The following RSPH14 variants were observed in gnomAD, a reference collection of about 807,000 sequenced individuals.
RSPH14 encodes the protein radial spoke head 14 homolog.
A neutral mutation model predicts 26.7 loss-of-function variants in RSPH14; 20 were observed. The ratio of observed to expected loss-of-function variants is 0.75; its 90% confidence interval spans 0.53 to 1.09. The LOEUF (loss-of-function observed/expected upper bound fraction) is 1.09, where lower values mean the gene tolerates loss of function less well. Among genes scored for constraint, RSPH14 ranks in the 50% least tolerant of loss-of-function variants. The pLI is 0.00. For synonymous variants in RSPH14, 177 were observed against 189.3 expected (o/e 0.93, Z 0.53); for missense variants, 449 against 457.2 (o/e 0.98, Z 0.16).
chr22:23,123,871 G>A (rs556659689), intron 4 of RSPH14: 5 of 222,150 alleles, frequency 2.3e-5, no homozygotes, highest in South Asian at 2.2e-4. Context: ...CTCGCTGCCC[G>A]AGCTCTGGCC....
intron 3 of RSPH14, among the ~76,000 whole-genome samples, chr22:23,138,609 GAACT>G (rs1347316609): frequency 2.0e-5 from 3 of 151,912 alleles, no homozygotes; most frequent in Non-Finnish European, 4.4e-5. Flanking sequence ...TCAGAGCTTG[GAACT>G]AACATAAAAT....
chr22:23,059,875 T>C (rs1392599115), intron 6 of RSPH14, among the ~76,000 whole-genome samples, 157 bp from the exon 7 acceptor site: 1 of 152,244 alleles, frequency 6.6e-6, no homozygotes, highest in African/African-American at 2.4e-5. Context: ...TCAGGGCTCT[T>C]GCACCTTCGC....
chr22:23,068,878 C>G (rs1601734083), intron 4 of RSPH14, among the ~76,000 whole-genome samples: 1 of 152,310 alleles, frequency 6.6e-6, no homozygotes, highest in East Asian at 1.9e-4. Flanking sequence ...CCTGACACAG[C>G]CTGGTGGTGT....
At chr22:23,111,535 G>C (rs2146363714) in intron 4 of RSPH14, among the ~76,000 whole-genome samples, 1 of 152,362 alleles carries the variant, frequency 6.6e-6, no homozygotes, top group East Asian at 1.9e-4. Context: ...GCCATTGCCA[G>C]CTGCACCAGA....
At chr22:23,136,891 G>A (rs1165343008) in intron 3 of RSPH14, among the ~76,000 whole-genome samples, 1 of 138,604 alleles carries the variant, frequency 7.2e-6, no homozygotes, top group Non-Finnish European at 1.6e-5. Flanking sequence ...TCTGCAGAGT[G>A]AGGCTGGGAT....
chr22:23,072,207 G>A (rs905348318), intron 4 of RSPH14, among the ~76,000 whole-genome samples: 1 of 152,152 alleles, frequency 6.6e-6, no homozygotes, highest in African/African-American at 2.4e-5. Context: ...TGCCTGTTTC[G>A]GGGATGATGC....
chr22:23,171,842 C>CAAAAAAAAAAAAAAAAA, the RSPH14 span, among the ~76,000 whole-genome samples: 1 of 30,794 alleles, frequency 3.2e-5, no homozygotes, highest in Non-Finnish European at 5.7e-5. Flanking sequence ...AACTCTGTCT[C>CAAAAAAAAAAAAAAAAA]AAAAAAAAAA....
the RSPH14 span, among the ~76,000 whole-genome samples, chr22:23,155,567 G>T: frequency 2.6e-5 from 4 of 152,226 alleles, no homozygotes; most frequent in Non-Finnish European, 5.9e-5. Flanking sequence ...CAGAGCCACT[G>T]CTGGAGGCCC....
At chr22:23,156,353 A>AG in the RSPH14 span, 1 of 262,740 alleles carries the variant, frequency 3.8e-6, no homozygotes, top group Non-Finnish European at 7.5e-6. Flanking sequence ...ACTGGACTCC[A>AG]GGGGGAGGTC....
upstream of RSPH14, among the ~76,000 whole-genome samples, chr22:23,144,120 A>AC (rs2070664001): frequency 2.1e-5 from 3 of 145,806 alleles, no homozygotes; most frequent in Non-Finnish European, 4.5e-5. Flanking sequence ...AAAAAAAAAA[A>AC]CAGCTAAAGG....
chr22:23,130,139 G>GA (rs927268058), intron 4 of RSPH14, among the ~76,000 whole-genome samples: 4 of 110,730 alleles, frequency 3.6e-5, no homozygotes, highest in Non-Finnish European at 7.7e-5. Context: ...AAGAAAGAAA[G>GA]AAAGAAAGAA....
chr22:23,090,116 C>CA (rs1228285872), intron 4 of RSPH14, among the ~76,000 whole-genome samples: 2 of 152,134 alleles, frequency 1.3e-5, no homozygotes, highest in African/African-American at 4.8e-5. Context: ...TTCACTGATA[C>CA]AGTCCACTCA....
chr22:23,100,587 T>G (rs1389656620), intron 4 of RSPH14, among the ~76,000 whole-genome samples: 2 of 152,224 alleles, frequency 1.3e-5, no homozygotes, highest in East Asian at 3.8e-4. Flanking sequence ...GGCCATTGGC[T>G]TCCTGAGGAA....
At chr22:23,068,683 C>G (rs1322281344) in intron 4 of RSPH14, among the ~76,000 whole-genome samples, 1 of 152,252 alleles carries the variant, frequency 6.6e-6, no homozygotes, top group Non-Finnish European at 1.5e-5. Context: ...CCCCCAGACT[C>G]TGCAGTGGAA....
At chr22:23,162,536 A>G in the RSPH14 span, 1 of 429,522 alleles carries the variant, frequency 2.3e-6, no homozygotes, top group African/African-American at 2.0e-5. Context: ...TGCCAAGTCT[A>G]GCATGTTCCT....
chr22:23,092,611 C>T (rs1040421060), intron 4 of RSPH14, among the ~76,000 whole-genome samples: 6 of 152,214 alleles, frequency 3.9e-5, no homozygotes, highest in African/African-American at 1.4e-4. Context: ...ATTGCCCTGT[C>T]GTTGCCGGCG....
intron 4 of RSPH14, chr22:23,131,759 C>T: frequency 3.4e-6 from 2 of 596,714 alleles, no homozygotes; most frequent in Admixed American, 2.3e-5. Context: ...CAGGGGCTCT[C>T]AACCCTGGGG....
At chr22:23,126,916 G>A (rs916629989) in intron 4 of RSPH14, among the ~76,000 whole-genome samples, 2 of 152,256 alleles carry the variant, frequency 1.3e-5, no homozygotes, top group Non-Finnish European at 2.9e-5. Flanking sequence ...AACAACAGTG[G>A]TCACGATAAT....
intron 4 of RSPH14, chr22:23,124,342 T>C (rs1469552087): frequency 4.8e-6 from 2 of 413,180 alleles, no homozygotes; most frequent in African/African-American, 2.1e-5. Flanking sequence ...GTGGTCTTTT[T>C]TGTGTCTGGC....
Sources: gnomAD v4.1 joint callset for allele counts (sites outside exome capture counted in the v4.1 genomes callset) on GRCh38, gnomAD v4.1.1 for gene constraint, MANE v1.5 for transcripts, NCBI Gene and HGNC (gene_info 2026-07-23, HGNC 2026-07-21) for gene names.